PEX14: variants seen among roughly 807,000 people sequenced by gnomAD.
PEX14 encodes peroxisomal biogenesis factor 14, also known as peroxisomal membrane protein PEX14.
In PEX14, 15 loss-of-function variants were observed where a neutral mutation model predicts 49.5. The ratio of observed to expected loss-of-function variants is 0.30; its 90% CI spans 0.20 to 0.47. PEX14 has a LOEUF of 0.47. Among genes scored for constraint, PEX14 ranks in the 20% least tolerant of loss-of-function variants. PEX14 has a pLI of 1.00. For missense variants in PEX14, 398 were observed against 494.8 expected (o/e 0.80, Z 1.86); for synonymous variants, 210 against 212.7 (o/e 0.99, Z 0.11).
intron 3 of PEX14, among the ~76,000 whole-genome samples, chr1:10,555,378 G>A (rs917468648): frequency 3.3e-5 from 5 of 151,988 alleles, no homozygotes; most frequent in African/African-American, 1.2e-4. Flanking sequence ...CGGGGGGAGA[G>A]ATGGGGAAAA....
At chr1:10,498,873 G>C (rs1570156007) in intron 2 of PEX14, among the ~76,000 whole-genome samples, 1 of 152,234 alleles carries the variant, frequency 6.6e-6, no homozygotes. Context: ...CAGGCCTCCA[G>C]AGTACAGACC....
intron 3 of PEX14, among the ~76,000 whole-genome samples, chr1:10,593,778 C>G (rs745738690): frequency 6.6e-6 from 1 of 152,102 alleles, no homozygotes; most frequent in South Asian, 2.1e-4. Context: ...TAAATAAATA[C>G]CGATCAGCTT....
chr1:10,545,059 G>A (rs1001911590), intron 3 of PEX14, among the ~76,000 whole-genome samples: 2 of 152,084 alleles, frequency 1.3e-5, no homozygotes, highest in Non-Finnish European at 2.9e-5. Flanking sequence ...TACTGTGCCT[G>A]GCCCTAGTTT....
intron 3 of PEX14, among the ~76,000 whole-genome samples, chr1:10,573,839 G>A (rs970439492): frequency 1.5e-4 from 23 of 152,120 alleles, no homozygotes; most frequent in African/African-American, 5.6e-4. Flanking sequence ...GGTAGCTCAC[G>A]CCTGTAATCC....
intron 2 of PEX14, among the ~76,000 whole-genome samples, chr1:10,499,703 T>TC (rs2124411554): frequency 6.6e-6 from 1 of 152,282 alleles, no homozygotes; most frequent in South Asian, 2.1e-4. Flanking sequence ...CACCTTGGCC[T>TC]CCCAAAGTGC....
intron 2 of PEX14, among the ~76,000 whole-genome samples, chr1:10,524,904 T>C (rs1043121608): frequency 3.3e-5 from 5 of 152,256 alleles, no homozygotes; most frequent in African/African-American, 1.2e-4. Context: ...TTGCCCAGGC[T>C]GGTCCCGAAC....
intron 2 of PEX14, among the ~76,000 whole-genome samples, chr1:10,525,119 C>G (rs1361322261): frequency 1.3e-5 from 2 of 152,214 alleles, no homozygotes; most frequent in African/African-American, 4.8e-5. Context: ...TTGGGTTCTT[C>G]TTGTGTGTGA....
intron 3 of PEX14, among the ~76,000 whole-genome samples, chr1:10,543,397 GT>G (rs1639075621): frequency 6.6e-6 from 1 of 152,134 alleles, no homozygotes; most frequent in Non-Finnish European, 1.5e-5. Flanking sequence ...GCCTCTCAAA[GT>G]GCTGGTATTA....
In PEX14 at chr1:10,539,599, T is replaced by G. The variant is rs1638943038; in HGVS notation, c.169+3302T>G. On this transcript the variant is annotated intron_variant, in intron 3 of 8. Transcript: ENST00000356607. The surrounding 1 kb of genome is among the most constrained non-coding windows in gnomAD (Gnocchi z 4.6). ...GGTTTAAGCCCTCATAGAACCAGTC[T>G]ATATATAGAAGCAGTTCTTGCCAGG... Among the ~76,000 whole-genome samples the G allele has an allele frequency of 6.6e-6, 1 of 152,194 alleles. No individual in the cohort carries two copies.
intron 4 of PEX14, among the ~76,000 whole-genome samples, chr1:10,603,247 A>G (rs1211234575): frequency 1.3e-5 from 2 of 152,238 alleles, no homozygotes; most frequent in Non-Finnish European, 2.9e-5. Flanking sequence ...GTACTATATC[A>G]TGCGAGAGAT....
intron 2 of PEX14, among the ~76,000 whole-genome samples, chr1:10,504,995 G>A (rs1641756794): frequency 6.6e-6 from 1 of 152,102 alleles, no homozygotes; most frequent in Non-Finnish European, 1.5e-5. Flanking sequence ...ATGTTGGCCA[G>A]GCTGGTCTCA....
intron 3 of PEX14, among the ~76,000 whole-genome samples, chr1:10,542,685 C>T (rs538661589): frequency 5.7e-4 from 87 of 152,110 alleles, no homozygotes; most frequent in Non-Finnish European, 1.2e-3. Flanking sequence ...CGCTTTAACC[C>T]GGGAGACAAA....
At chr1:10,558,412 A>C (rs1457280601) in intron 3 of PEX14, among the ~76,000 whole-genome samples, 1 of 152,130 alleles carries the variant, frequency 6.6e-6, no homozygotes. Context: ...TCCCTTTGAA[A>C]TTTTGATGAT....
chr1:10,515,857 T>C (rs1641960752), intron 2 of PEX14, among the ~76,000 whole-genome samples: 1 of 152,172 alleles, frequency 6.6e-6, no homozygotes, highest in Admixed American at 6.5e-5. Context: ...TGTGACATGC[T>C]GACAGATTTG....
At chr1:10,605,896 G>C (rs1234713861) in intron 4 of PEX14, among the ~76,000 whole-genome samples, 1 of 152,214 alleles carries the variant, frequency 6.6e-6, no homozygotes, top group Non-Finnish European at 1.5e-5. Context: ...TTTTGTTGCT[G>C]TGTGTTCTGC....
intron 4 of PEX14, among the ~76,000 whole-genome samples, chr1:10,607,382 T>G (rs190715882): frequency 6.6e-6 from 1 of 152,292 alleles, no homozygotes; most frequent in Non-Finnish European, 1.5e-5. Context: ...TTGTATGTTT[T>G]TATTTCTCTT....
chr1:10,588,790 T>C (rs1453245882), intron 3 of PEX14, among the ~76,000 whole-genome samples: 1 of 152,128 alleles, frequency 6.6e-6, no homozygotes, highest in African/African-American at 2.4e-5. Flanking sequence ...AATTCAGATA[T>C]GTCAAAGAGA....
rs79311938 is a variant in PEX14 at position 10,497,395 on chromosome 1, G to A, written c.84+2074G>A. Reference sequence around the variant, plus strand: ...ACAGCAGTCAGCCCTTCCACAGGGAGGGAGCTTTCTCAGGCCATGTGTATT... The same window carrying A: ...ACAGCAGTCAGCCCTTCCACAGGGAAGGAGCTTTCTCAGGCCATGTGTATT... On this transcript the variant is annotated intron_variant, in intron 2 of 8. Coordinates refer to ENST00000356607, the MANE Select transcript of PEX14 (RefSeq NM_004565.3). Among the ~76,000 whole-genome samples, 1,238 of 152,320 alleles carry A rather than the reference G, an allele frequency of 8.1e-3. 17 individuals are homozygous for A. The highest frequency in any genetic ancestry group is 0.028 in the African/African-American group (1,170 of 41,566).
chr1:10,554,401 A>T (rs141307575), intron 3 of PEX14, among the ~76,000 whole-genome samples: 132 of 152,182 alleles, frequency 8.7e-4, no homozygotes, highest in African/African-American at 2.8e-3. Flanking sequence ...AATGATCAGG[A>T]CATTAACTGA....
Sources: allele counts gnomAD v4.1 joint callset (sites outside exome capture counted in the v4.1 genomes callset), GRCh38; gene constraint gnomAD v4.1.1; non-coding constraint Gnocchi (gnomAD v3.1); transcripts MANE v1.5; gene names NCBI Gene and HGNC (gene_info 2026-07-23, HGNC 2026-07-21).